Variants in KCNQ3 observed in about 807,000 individuals in gnomAD.
KCNQ3 encodes the protein potassium voltage-gated channel subfamily KQT member 3.
A neutral mutation model predicts 92.5 loss-of-function variants in KCNQ3; 30 were observed. That is an observed-to-expected ratio of 0.32 (90% CI 0.24 to 0.44). The LOEUF (loss-of-function observed/expected upper bound fraction) is 0.44, where lower values mean the gene tolerates loss of function less well. KCNQ3 is among the 20% of genes least tolerant of loss of function. The pLI, the probability that KCNQ3 is intolerant of heterozygous loss-of-function variation, is 1.00. For missense variants in KCNQ3, 913 were observed against 1,140.3 expected (o/e 0.80, Z 2.87); for synonymous variants, 450 against 468.8 (o/e 0.96, Z 0.52).
intron 1 of KCNQ3, among the ~76,000 whole-genome samples, chr8:132,342,530 G>GA (rs996205651): frequency 2.6e-5 from 4 of 152,186 alleles, no homozygotes; most frequent in African/African-American, 9.6e-5. Context: ...AAAGTTAACA[G>GA]AAAAAATCCA....
At position 132,345,886 on chromosome 8, in the gene KCNQ3, A is replaced by G. The variant is rs906775080; in HGVS notation, c.386+134261T>C. On this transcript the variant is annotated intron_variant, in intron 1 of 14. Coordinates refer to ENST00000388996, the MANE Select transcript of KCNQ3 (RefSeq NM_004519.4). ...TGGTGATGATGGTGAGGAGGATGGA[A>G]TGGTGATGATGATGATGATGACTTA... 2.0e-5 allele frequency among the ~76,000 whole-genome samples: 3 copies of G among 152,018 alleles called. No homozygotes were observed. In the South Asian group the frequency reaches 6.2e-4, roughly 32 times the overall value.
chr8:132,353,109 C>T (rs1337398905), intron 1 of KCNQ3, among the ~76,000 whole-genome samples: 2 of 152,114 alleles, frequency 1.3e-5, no homozygotes, highest in Admixed American at 1.3e-4. Context: ...GCCTGTAATC[C>T]TAGCTACTCA....
At chr8:132,162,656 C>T (rs1826025963) in intron 9 of KCNQ3, among the ~76,000 whole-genome samples, 2 of 152,198 alleles carry the variant, frequency 1.3e-5, no homozygotes, top group African/African-American at 2.4e-5. Flanking sequence ...TTTGAAAACA[C>T]ACCCAAAGGA....
intron 1 of KCNQ3, among the ~76,000 whole-genome samples, chr8:132,477,462 A>G (rs1374990645): frequency 6.6e-6 from 1 of 152,220 alleles, no homozygotes; most frequent in Non-Finnish European, 1.5e-5. Context: ...GCTTGAAAAC[A>G]TAAATTTCAA....
At chr8:132,433,298 C>G (rs935190330) in intron 1 of KCNQ3, among the ~76,000 whole-genome samples, 16 of 152,214 alleles carry the variant, frequency 1.1e-4, no homozygotes, top group Non-Finnish European at 7.4e-5. Context: ...CCATTCTGTT[C>G]ATGAAAAACA....
chr8:132,411,747 A>G (rs973237087), intron 1 of KCNQ3, among the ~76,000 whole-genome samples: 3 of 152,112 alleles, frequency 2.0e-5, no homozygotes, highest in African/African-American at 7.2e-5. Flanking sequence ...GCTGCCTACA[A>G]TGAGATCATT....
intron 1 of KCNQ3, among the ~76,000 whole-genome samples, chr8:132,290,687 T>C (rs1178209088): frequency 6.6e-6 from 1 of 152,162 alleles, no homozygotes; most frequent in East Asian, 1.9e-4. Flanking sequence ...TTTAAATTTC[T>C]GGTAGGAAAG....
At chr8:132,415,416 C>G (rs1016814396) in intron 1 of KCNQ3, among the ~76,000 whole-genome samples, 1 of 152,170 alleles carries the variant, frequency 6.6e-6, no homozygotes, top group Non-Finnish European at 1.5e-5. Flanking sequence ...CCACCATCAC[C>G]ACCCCATGAG....
intron 8 of KCNQ3, among the ~76,000 whole-genome samples, chr8:132,163,885 A>G (rs1193123767): frequency 6.6e-6 from 1 of 152,228 alleles, no homozygotes; most frequent in African/African-American, 2.4e-5. Context: ...TGTCACTACC[A>G]TTGTCATCAT....
At chr8:132,181,841 C>G (rs1294598013) in intron 3 of KCNQ3, among the ~76,000 whole-genome samples, 1 of 151,966 alleles carries the variant, frequency 6.6e-6, no homozygotes, top group Non-Finnish European at 1.5e-5. Flanking sequence ...ATCACGAGGT[C>G]AGGAGATCGA....
chr8:132,133,971 T>C (rs888480379), intron 13 of KCNQ3, among the ~76,000 whole-genome samples: 2 of 152,018 alleles, frequency 1.3e-5, no homozygotes, highest in Non-Finnish European at 2.9e-5. Flanking sequence ...TCTGCTGATA[T>C]GAAGTTTTCT....
At chr8:132,279,853 CGT>C (rs34093077) in intron 1 of KCNQ3, among the ~76,000 whole-genome samples, 18 of 150,500 alleles carry the variant, frequency 1.2e-4, no homozygotes, top group African/African-American at 2.4e-4. Context: ...TGTATATATG[CGT>C]GTGTGTGTGT....
intron 1 of KCNQ3, among the ~76,000 whole-genome samples, chr8:132,344,899 G>C (rs1346031533): frequency 6.6e-6 from 1 of 152,156 alleles, no homozygotes; most frequent in Non-Finnish European, 1.5e-5. Flanking sequence ...AGAAGGGAGA[G>C]AGAAGGTGTC....
intron 1 of KCNQ3, among the ~76,000 whole-genome samples, chr8:132,344,864 G>A (rs16904664): frequency 2.6e-5 from 4 of 152,072 alleles, no homozygotes; most frequent in Non-Finnish European, 4.4e-5. Context: ...GGCAACTTAC[G>A]AGCAGCAGTT....
intron 1 of KCNQ3, among the ~76,000 whole-genome samples, chr8:132,291,716 G>C (rs772758099): frequency 3.9e-5 from 6 of 152,178 alleles, no homozygotes; most frequent in Non-Finnish European, 8.8e-5. Context: ...AAGCTTTTGA[G>C]ACCCCAGAGC....
intron 1 of KCNQ3, among the ~76,000 whole-genome samples, chr8:132,469,688 A>AGAGAAAAAAG (rs1350890414): frequency 6.6e-6 from 1 of 152,104 alleles, no homozygotes; most frequent in Non-Finnish European, 1.5e-5. Context: ...CCCAAACCAA[A>AGAGAAAAAAG]GAGAAAAAAG....
intron 1 of KCNQ3, among the ~76,000 whole-genome samples, chr8:132,246,453 T>C (rs1264723601): frequency 2.0e-5 from 3 of 152,236 alleles, no homozygotes; most frequent in Non-Finnish European, 4.4e-5. Context: ...AGTTTTCGTT[T>C]CTTTTATGAG....
At chr8:132,412,194 T>C (rs2130798637) in intron 1 of KCNQ3, among the ~76,000 whole-genome samples, 1 of 152,318 alleles carries the variant, frequency 6.6e-6, no homozygotes, top group Middle Eastern at 3.4e-3. Flanking sequence ...TGCTTTAAAA[T>C]GGTGCTTCTC....
intron 1 of KCNQ3, among the ~76,000 whole-genome samples, chr8:132,258,983 G>A (rs1815686214): frequency 6.6e-6 from 1 of 152,016 alleles, no homozygotes; most frequent in Non-Finnish European, 1.5e-5. Flanking sequence ...ATAGACTTTA[G>A]CAAATAAAAC....
Sources: allele counts gnomAD v4.1 joint callset (sites outside exome capture counted in the v4.1 genomes callset), GRCh38; gene constraint gnomAD v4.1.1; transcripts MANE v1.5; gene names NCBI Gene and HGNC (gene_info 2026-07-23, HGNC 2026-07-21).